Variants in FMN1 observed in about 807,000 individuals in gnomAD.
FMN1 encodes the protein formin 1.
In FMN1, 110 loss-of-function variants were observed where a neutral mutation model predicts 132.4. That is an observed-to-expected ratio of 0.83 (90% CI 0.71 to 0.97). The LOEUF (loss-of-function observed/expected upper bound fraction) is 0.97, where lower values mean the gene tolerates loss of function less well. Among genes scored for constraint, FMN1 ranks in the 50% least tolerant of loss-of-function variants. FMN1 has a pLI of 0.00. For synonymous variants in FMN1, 722 were observed against 651.7 expected (o/e 1.11, Z -1.64); for missense variants, 1,792 against 1,705.3 (o/e 1.05, Z -0.90).
chr15:33,153,392 G>C lies in FMN1; in HGVS notation c.1523C>G (p.Ala508Gly), dbSNP rs763959564. ...AALGKVFNNS[A>G]SQSSTHKQTS... is the part of the protein sequence containing the mutation. ...CTGTTTGTGTGTGCTGGACTGCGAG[G>C]CTGAATTATTAAACACCTTGCCAAG... Residue 508 changes from alanine to glycine, a missense_variant, in exon 4 of 21, where the codon GCC (alanine) becomes GGC (glycine). Transcript: ENST00000616417. 5.2e-6 allele frequency: 8 copies of C among 1,536,656 alleles called. No individual in the cohort carries two copies. Among genetic ancestry groups the C allele is most frequent in the East Asian group, 4.9e-5 (2 of 40,924 alleles).
intron 9 of FMN1, among the ~76,000 whole-genome samples, chr15:32,960,591 A>G (rs926064228): frequency 6.6e-6 from 1 of 152,230 alleles, no homozygotes; most frequent in African/African-American, 2.4e-5. Flanking sequence ...TTTGATTAAC[A>G]GAAAACTGAA....
intron 4 of FMN1, chr15:33,150,583 G>T (rs1456686649): frequency 1.0e-6 from 1 of 985,336 alleles, no homozygotes; most frequent in Admixed American, 6.1e-5. Flanking sequence ...GAATGGTAAT[G>T]TCAGCTTTAA....
intron 5 of FMN1, among the ~76,000 whole-genome samples, chr15:33,075,458 A>G (rs1284746497): frequency 6.6e-6 from 1 of 152,160 alleles, no homozygotes; most frequent in Non-Finnish European, 1.5e-5. Context: ...ACCATGCCAC[A>G]AGGAAACTGA....
At chr15:32,934,565 TTTCTC>T (rs971155477) in intron 9 of FMN1, among the ~76,000 whole-genome samples, 87 of 152,148 alleles carry the variant, frequency 5.7e-4, no homozygotes, top group African/African-American at 2.0e-3. Context: ...CGAACATCTA[TTTCTC>T]TTTTGTTTCT....
At chr15:33,128,281 T>A (rs1239148884) in intron 4 of FMN1, among the ~76,000 whole-genome samples, 2 of 152,042 alleles carry the variant, frequency 1.3e-5, no homozygotes, top group Non-Finnish European at 2.9e-5. Flanking sequence ...AGCGCAACAG[T>A]TGGGAATTTG....
chr15:32,973,108 A>C (rs921786710), intron 7 of FMN1, among the ~76,000 whole-genome samples: 3 of 152,122 alleles, frequency 2.0e-5, no homozygotes, highest in African/African-American at 4.8e-5. Context: ...TTTGGTTCCA[A>C]GAAGATTTTG....
chr15:33,170,522 C>G (rs1339695306), intron 3 of FMN1, among the ~76,000 whole-genome samples: 1 of 148,454 alleles, frequency 6.7e-6, no homozygotes, highest in Non-Finnish European at 1.5e-5. Flanking sequence ...AACAAACATA[C>G]AGAATATACA....
intron 6 of FMN1, among the ~76,000 whole-genome samples, chr15:33,056,239 C>T (rs2037210889): frequency 6.6e-6 from 1 of 152,182 alleles, no homozygotes; most frequent in Non-Finnish European, 1.5e-5. Flanking sequence ...TACCAAAAGG[C>T]ATGTCCAAGG....
At chr15:33,160,252 T>C (rs1332949045) in intron 3 of FMN1, among the ~76,000 whole-genome samples, 1 of 152,060 alleles carries the variant, frequency 6.6e-6, no homozygotes, top group Non-Finnish European at 1.5e-5. Flanking sequence ...ATACATGGGA[T>C]GGAACACTGC....
intron 19 of FMN1, among the ~76,000 whole-genome samples, chr15:32,781,231 A>G (rs1259020989): frequency 9.9e-5 from 15 of 152,222 alleles, no homozygotes; most frequent in Admixed American, 9.8e-4. Flanking sequence ...TCAGACATTT[A>G]AAAAATATGC....
intron 4 of FMN1, among the ~76,000 whole-genome samples, chr15:33,095,347 AAAAAAAC>A (rs2039043880): frequency 6.6e-6 from 1 of 152,110 alleles, no homozygotes; most frequent in Non-Finnish European, 1.5e-5. Context: ...GACTGTCTCA[AAAAAAAC>A]AAAAAGAAAA....
chr15:33,137,036 CA>C (rs1963798531), intron 4 of FMN1, among the ~76,000 whole-genome samples: 1 of 130,212 alleles, frequency 7.7e-6, no homozygotes, highest in African/African-American at 3.1e-5. Context: ...TGCAGTGAGC[CA>C]AAATCACAAC....
intron 7 of FMN1, among the ~76,000 whole-genome samples, chr15:32,984,978 C>CAAAAAAAAAAAAAAAAAA (rs11330959): frequency 1.4e-3 from 136 of 97,218 alleles, no homozygotes; most frequent in Middle Eastern, 6.3e-3. Flanking sequence ...CATCCATCAC[C>CAAAAAAAAAAAAAAAAAA]AAAAAAAAAA....
At chr15:33,025,093 T>G (rs345863) in intron 6 of FMN1, among the ~76,000 whole-genome samples, 60,099 of 152,036 alleles carry the variant, frequency 0.4, 12,231 homozygotes, top group Admixed American at 0.48. Flanking sequence ...TTTACCCAAG[T>G]GGCTGGGGTA....
chr15:33,120,244 C>T (rs558634610), intron 4 of FMN1, among the ~76,000 whole-genome samples: 24 of 152,228 alleles, frequency 1.6e-4, no homozygotes, highest in African/African-American at 5.3e-4. Flanking sequence ...AAACATAAGG[C>T]AATTACAAAA....
At chr15:32,913,926 A>C (rs1208599585) in intron 10 of FMN1, among the ~76,000 whole-genome samples, 1 of 152,208 alleles carries the variant, frequency 6.6e-6, no homozygotes. Context: ...GGTCTTAAAA[A>C]GAAACCAGAG....
intron 12 of FMN1, 64 bp from the exon 13 acceptor site, chr15:32,902,104 T>C (rs2060312300): frequency 6.9e-7 from 1 of 1,441,012 alleles, no homozygotes; most frequent in Non-Finnish European, 9.5e-7. Flanking sequence ...AAAAGACAGC[T>C]GAAAAAGACC....
Position 32,857,028 on chromosome 15 carries a change from C to T in FMN1, c.3915G>A (p.Glu1305=), listed in dbSNP as rs763814116. ...YLQPFKDKLE[E]FFQKAKKEHK... is the part of the protein sequence containing the mutation. Reference sequence around the variant, plus strand: ...AAAGCTTCCTACCTTTTTGGAAGAACTCCTCTAGTTTGTCCTTGAAAGGCT... The same window carrying T: ...AAAGCTTCCTACCTTTTTGGAAGAATTCCTCTAGTTTGTCCTTGAAAGGCT... Residue 1305 remains glutamate (E), a synonymous_variant, in exon 17 of 21, where the codon GAG becomes GAA. Coordinates refer to ENST00000616417, the MANE Select transcript of FMN1 (RefSeq NM_001277313.2). 6.2e-6 allele frequency: 10 copies of T among 1,612,162 alleles called. No individual in the cohort carries two copies. The highest frequency in any genetic ancestry group is 1.1e-5 in the South Asian group (1 of 91,018).
chr15:33,118,369 C>G lies in FMN1; in HGVS notation c.1868-29395G>C, dbSNP rs538112372. ...AAACACAAAAATTCTCAGGGGCATA[C>G]TAAGAAGTCCATCTAAATGATTAGA... On this transcript the variant is annotated intron_variant, in intron 4 of 20. Coordinates refer to ENST00000616417, the MANE Select transcript of FMN1 (RefSeq NM_001277313.2). 5.9e-5 allele frequency among the ~76,000 whole-genome samples: 9 copies of G among 151,582 alleles called. 1 individual carries two copies. The highest frequency in any genetic ancestry group is 2.2e-4 in the African/African-American group (9 of 41,500).
Sources: allele counts gnomAD v4.1 joint callset (sites outside exome capture counted in the v4.1 genomes callset), GRCh38; gene constraint gnomAD v4.1.1; transcripts MANE v1.5; gene names NCBI Gene and HGNC (gene_info 2026-07-23, HGNC 2026-07-21).